TEDC2: variants seen among roughly 807,000 people sequenced by gnomAD.
TEDC2 encodes the protein tubulin epsilon and delta complex 2, also known as tubulin epsilon and delta complex protein 2.
A neutral mutation model predicts 48.1 loss-of-function variants in TEDC2; 49 were observed. The ratio of observed to expected loss-of-function variants is 1.02; its 90% CI spans 0.81 to 1.29. The LOEUF is 1.29. Among genes scored for constraint, TEDC2 ranks in the 50% most tolerant of loss-of-function variants. The probability of loss-of-function intolerance (pLI) is 0.00; values close to 1 mark genes in which losing one functional copy is unlikely to be tolerated. For synonymous variants in TEDC2, 299 were observed against 247.1 expected (o/e 1.21, Z -1.97); for missense variants, 631 against 571.4 (o/e 1.10, Z -1.06).
intron 8 of TEDC2, 173 bp from the exon 9 acceptor site, chr16:2,463,866 T>C (rs948240572): frequency 5.8e-6 from 4 of 690,824 alleles, no homozygotes; most frequent in Non-Finnish European, 9.5e-6. Context: ...GAGGACTCCC[T>C]GCCAGCAAGT....
chr16:2,460,140 C>T lies in TEDC2; in HGVS notation c.-5C>T, dbSNP rs757536703. 1.5e-6 allele frequency: 2 copies of T among 1,350,870 alleles called. No homozygotes were observed. The highest frequency in any genetic ancestry group is 3.1e-5 in the East Asian group (1 of 32,498). The allele number at this position is 1,350,870 out of a possible 1,614,324, so 83.7% of individuals were successfully genotyped here. ...GGCAAATTGCAAGGAGACGCCGCCG[C>T]CTTCATGCTGCCGGCGGGCTGCTCG... On this transcript the variant is annotated 5_prime_UTR_variant, in exon 1 of 10. Transcript: ENST00000361837.
In TEDC2 at chr16:2,461,059, T is replaced by C. The variant is rs771515038; in HGVS notation, c.440T>C (p.Val147Ala). ...ACCAAGGGCCTCCGCCAGACCACGG[T>C]GCCTGCCAAGGGCCACCCTGAGCGC... ...RPTKGLRQTT[V>A]PAKGHPERRL... The change falls in exon 4 of 10, where the codon GTG becomes GCG. Residue 147 changes from valine to alanine, a missense_variant. By Grantham distance (64) the Val-to-Ala change is moderately conservative. Transcript: ENST00000361837. The C allele has an allele frequency of 6.2e-7, 1 of 1,605,202 alleles. No individual in the cohort carries two copies. Among genetic ancestry groups the C allele is most frequent in the Non-Finnish European group, 8.5e-7 (1 of 1,174,346 alleles).
At position 2,461,040 on chromosome 16, in the gene TEDC2, G is replaced by C. The variant is rs1196603543; in HGVS notation, c.421G>C (p.Gly141Arg). The C allele has an allele frequency of 1.2e-6, 2 of 1,609,180 alleles. No individual in the cohort carries two copies. The highest frequency in any genetic ancestry group is 2.7e-5 in the African/African-American group (2 of 74,866). Residue 141 changes from glycine (G) to arginine (R), a missense_variant, in exon 4 of 10, where the codon GGC (glycine) becomes CGC (arginine). By Grantham distance (125) the Gly-to-Arg change is moderately radical. Transcript: ENST00000361837. The part of the protein sequence containing the change: ...GHASDTRPTK[G>R]LRQTTVPAKG... The stretch of plus-strand genomic sequence containing the variant: ...TGCTTCAGACACGAGACCCACCAAG[G>C]GCCTCCGCCAGACCACGGTGCCTGC...
rs1260577089 is a variant in TEDC2 at position 2,460,356 on chromosome 16, G to A, written c.100G>A (p.Val34Ile). The change falls in exon 2 of 10, where the codon GTT becomes ATT. Residue 34 changes from valine (V) to isoleucine (I), a missense_variant. Coordinates refer to ENST00000361837, the MANE Select transcript of TEDC2 (RefSeq NM_025108.3). ...ATTGCAATTGGAGCAGAGCCTGCGC[G>A]TTTGCCGTCGGCTGCTGCATGCCTG... ...RQLQLEQSLR[V>I]CRRLLHAWEP... 1 of 1,544,368 alleles carries A rather than the reference G, an allele frequency of 6.5e-7. No individual in the cohort carries two copies. Among genetic ancestry groups the A allele is most frequent in the Non-Finnish European group, 8.7e-7 (1 of 1,146,198 alleles).
intron 4 of TEDC2, 55 bp from the exon 5 acceptor site, chr16:2,461,691 GA>G: frequency 6.2e-7 from 1 of 1,602,650 alleles, no homozygotes; most frequent in Non-Finnish European, 8.5e-7. Flanking sequence ...CAGGAAGTGG[GA>G]CTTGTAGACC....
At chr16:2,460,235 C>T (rs1388379518) in intron 1 of TEDC2, 48 bp from the exon 2 acceptor site, 7 of 1,483,100 alleles carry the variant, frequency 4.7e-6, no homozygotes, top group Non-Finnish European at 6.2e-6. Flanking sequence ...GCGCGGGGCC[C>T]GAGGCCCGAC....
In TEDC2 at chr16:2,460,323, C is replaced by A. The variant is rs916947221; in HGVS notation, c.67C>A (p.Gln23Lys). Residue 23 changes from glutamine to lysine, a missense_variant, in exon 2 of 10, where the codon CAG becomes AAG. Physicochemically the swap from Gln to Lys is moderately conservative, Grantham distance 53 (BLOSUM62 1). Transcript: ENST00000361837. ...GCAGGGCGCCCTGGACGCCTGCGCACAGCGACAATTGCAATTGGAGCAGAG... is the reference window on the plus strand; with the variant it reads ...GCAGGGCGCCCTGGACGCCTGCGCAAAGCGACAATTGCAATTGGAGCAGAG... ...ELQGALDACA[Q>K]RQLQLEQSLR... 2.4e-5 allele frequency: 37 copies of A among 1,539,852 alleles called. No homozygotes were observed. The highest frequency in any genetic ancestry group is 9.9e-5 in the Admixed American group (5 of 50,734).
chr16:2,464,674 T>C lies in TEDC2; in HGVS notation c.*6T>C, dbSNP rs755383577. 8 of 1,612,826 alleles carry C rather than the reference T, an allele frequency of 5.0e-6. No homozygotes were observed. The highest frequency in any genetic ancestry group is 5.9e-6 in the Non-Finnish European group (7 of 1,179,932). ...GGGATGAACCTGCAGTCTGAGCCTT[T>C]CCCATGCTGCCCTCGGCCTGTTCAG... is the stretch of plus-strand genomic sequence containing the variant. On this transcript the variant is annotated 3_prime_UTR_variant, in exon 10 of 10. Transcript: ENST00000361837.
chr16:2,460,883 AC>A lies in TEDC2; in HGVS notation c.265del (p.Arg89GlufsTer18), dbSNP rs766666303. 5.0e-6 allele frequency: 8 copies of A among 1,613,568 alleles called. No homozygotes were observed. The highest frequency in any genetic ancestry group is 6.8e-6 in the Non-Finnish European group (8 of 1,180,000). ...TGACCCAGGCACTGGAGAAGGCTGT[AC>A]GAGTTCGAAGAGGCATCACTAAGGC... ...FLTQALEKAV[R>X]VRRGITKAGE... On this transcript the variant is annotated frameshift_variant, in exon 4 of 10. Coordinates refer to ENST00000361837, the MANE Select transcript of TEDC2 (RefSeq NM_025108.3). LOFTEE classifies it high-confidence loss of function.
At position 2,460,612 on chromosome 16, in the gene TEDC2, T is replaced by G; in HGVS notation, c.126-11T>G. The G allele has an allele frequency of 6.2e-7, 1 of 1,612,652 alleles. No homozygotes were observed. Reference sequence around the variant, plus strand: ...CTCCTGGCCGTGCGACGGCTGCCCGTGTCTTTGCAGGGAACCAACTGGGAC... The same window carrying G: ...CTCCTGGCCGTGCGACGGCTGCCCGGGTCTTTGCAGGGAACCAACTGGGAC... On this transcript the variant is annotated splice_polypyrimidine_tract_variant and intron_variant, in intron 2 of 9. Coordinates refer to ENST00000361837, the MANE Select transcript of TEDC2 (RefSeq NM_025108.3).
chr16:2,464,131 C>T lies in TEDC2; in HGVS notation c.1057C>T (p.Pro353Ser), dbSNP rs755726556. 7.4e-6 allele frequency: 12 copies of T among 1,612,684 alleles called. No individual in the cohort carries two copies. The South Asian group carries it at 1.2e-4, about 16-fold the overall frequency. The change falls in exon 9 of 10, where the codon CCC becomes TCC. Residue 353 changes from proline (P) to serine (S), a missense_variant. Pro to Ser is a moderately conservative substitution (Grantham distance 74). Coordinates refer to ENST00000361837, the MANE Select transcript of TEDC2 (RefSeq NM_025108.3). ...CGGRAEPAWSPQLLVYSSTQE... is the reference protein window; with the variant it reads ...CGGRAEPAWSSQLLVYSSTQE... Reference sequence around the variant, plus strand: ...GGGTAGAGCGGAGCCTGCATGGAGCCCCCAGCTGCTTGTCTACTCCAGCAC... The same window carrying T: ...GGGTAGAGCGGAGCCTGCATGGAGCTCCCAGCTGCTTGTCTACTCCAGCAC...
Position 2,462,625 on chromosome 16 carries a change from C to T in TEDC2, c.863-6C>T, listed in dbSNP as rs1355365712. ...GCCCCACCTGCTCTCCCTGACTCTTCTGCAGCCCCCATGGACTGGATGCAG... is the reference window on the plus strand; with the variant it reads ...GCCCCACCTGCTCTCCCTGACTCTTTTGCAGCCCCCATGGACTGGATGCAG... On this transcript the variant is annotated splice_region_variant and splice_polypyrimidine_tract_variant and intron_variant, in intron 7 of 9. Transcript: ENST00000361837. 1 of 1,542,024 alleles carries T rather than the reference C, an allele frequency of 6.5e-7. No homozygotes were observed. The highest frequency in any genetic ancestry group is 8.7e-7 in the Non-Finnish European group (1 of 1,143,532).
At position 2,461,103 on chromosome 16, in the gene TEDC2, G is replaced by T; in HGVS notation, c.484G>T (p.Asp162Tyr). Residue 162 changes from aspartate to tyrosine, a missense_variant, in exon 4 of 10, where the codon GAT becomes TAT. Asp to Tyr is a radical substitution (Grantham distance 160). Transcript: ENST00000361837. ...TGAGCGCCGGCTGCTGTCAGTGGGG[G>T]ATGGGACCCGTGTTGGGATGGGAGC... is the stretch of plus-strand genomic sequence containing the variant. ...HPERRLLSVG[D>Y]GTRVGMGART... is the part of the protein sequence containing the mutation. The T allele has an allele frequency of 1.3e-6, 2 of 1,587,268 alleles. No individual in the cohort carries two copies. Among genetic ancestry groups the T allele is most frequent in the South Asian group, 2.3e-5 (2 of 87,756 alleles).
In TEDC2 at chr16:2,462,740, C is replaced by T. The variant is rs2065474867; in HGVS notation, c.964+8C>T. 2.6e-6 allele frequency: 4 copies of T among 1,530,552 alleles called. No individual in the cohort carries two copies. Among genetic ancestry groups the T allele is most frequent in the South Asian group, 2.4e-5 (2 of 82,726 alleles). 94.8% of individuals were successfully genotyped at this position (1,530,552 alleles called of 1,614,324 possible). A position where few individuals can be genotyped will look rare whatever the true frequency, so the allele number is the denominator to read the frequency against. ...TGCAGGAGCTGCGTGCAGGTGAGACCCCGCCCCCACCCTGCCACCTGCACT... is the reference window on the plus strand; with the variant it reads ...TGCAGGAGCTGCGTGCAGGTGAGACTCCGCCCCCACCCTGCCACCTGCACT... On this transcript the variant is annotated splice_region_variant and intron_variant, in intron 8 of 9. Transcript: ENST00000361837.
In TEDC2 at chr16:2,463,137, C is replaced by A. The variant is rs543699115; in HGVS notation, c.964+405C>A. On this transcript the variant is annotated intron_variant, in intron 8 of 9. Coordinates refer to ENST00000361837, the MANE Select transcript of TEDC2 (RefSeq NM_025108.3). ...GAGATCAAGACCATCCTGGCTAACA[C>A]GGTGAAACCCTGTCTCTACTAAAAA... Among the ~76,000 whole-genome samples, 5 of 150,438 alleles carry A rather than the reference C, an allele frequency of 3.3e-5. No homozygotes were observed. In the East Asian group the frequency reaches 7.9e-4, roughly 24 times the overall value.
At position 2,462,455 on chromosome 16, in the gene TEDC2, A is replaced by G. The variant is rs2065472661; in HGVS notation, c.791A>G (p.Glu264Gly). ...CCCAGGCTCAGTGCTGTGGAGGTGG[A>G]GGCGGAGGCGGGGCGCCTGCGGAAG... ...PQPRLSAVEV[E>G]AEAGRLRKAC... Residue 264 changes from glutamate to glycine, a missense_variant, in exon 7 of 10, where the codon GAG (glutamate) becomes GGG (glycine). Coordinates refer to ENST00000361837, the MANE Select transcript of TEDC2 (RefSeq NM_025108.3). 6.2e-7 allele frequency: 1 copy of G among 1,611,316 alleles called. No homozygotes were observed. The highest frequency in any genetic ancestry group is 2.2e-5 in the East Asian group (1 of 44,846).
chr16:2,463,092 C>T (rs571924757), intron 8 of TEDC2, among the ~76,000 whole-genome samples: 112 of 152,094 alleles, frequency 7.4e-4, no homozygotes, highest in African/African-American at 2.4e-3. Context: ...GAGGCCAAGG[C>T]GGGTGGATCA....
intron 7 of TEDC2, 35 bp downstream of exon 7, chr16:2,462,561 T>G: frequency 6.4e-7 from 1 of 1,570,386 alleles, no homozygotes; most frequent in African/African-American, 1.3e-5. Flanking sequence ...AGGAGGAGTG[T>G]GGAGGGCCAG....
At position 2,461,077 on chromosome 16, in the gene TEDC2, C is replaced by T; in HGVS notation, c.458C>T (p.Pro153Leu). The change falls in exon 4 of 10, where the codon CCT (proline) becomes CTT (leucine). Residue 153 changes from proline (P) to leucine (L), a missense_variant. By Grantham distance (98) the Pro-to-Leu change is moderately conservative. Transcript: ENST00000361837. ...RQTTVPAKGHPERRLLSVGDG... is the reference protein window; with the variant it reads ...RQTTVPAKGHLERRLLSVGDG... ...ACCACGGTGCCTGCCAAGGGCCACC[C>T]TGAGCGCCGGCTGCTGTCAGTGGGG... 6.3e-7 allele frequency: 1 copy of T among 1,597,838 alleles called. No homozygotes were observed. Among genetic ancestry groups the T allele is most frequent in the Non-Finnish European group, 8.5e-7 (1 of 1,169,644 alleles).
Sources: allele counts gnomAD v4.1 joint callset (sites outside exome capture counted in the v4.1 genomes callset), GRCh38; gene constraint gnomAD v4.1.1; transcripts MANE v1.5; gene names NCBI Gene and HGNC (gene_info 2026-07-23, HGNC 2026-07-21).